Variants in DOCK3 observed in about 807,000 individuals in gnomAD.
DOCK3 encodes the protein dedicator of cytokinesis 3.
DOCK3 carries 60 observed loss-of-function variants against 265.6 expected under a neutral mutation model. The observed-to-expected ratio is 0.23, with a 90% CI of 0.18 to 0.28. The LOEUF is 0.28. Ranked by LOEUF, DOCK3 falls within the 10% of genes least tolerant of loss-of-function variation. The probability of loss-of-function intolerance (pLI) is 1.00; values close to 1 mark genes in which losing one functional copy is unlikely to be tolerated. For missense variants in DOCK3, 1,981 were observed against 2,594.3 expected, an observed-to-expected ratio of 0.76 and a Z score of 5.14; for synonymous variants, 881 against 938.0, an observed-to-expected ratio of 0.94 and a Z score of 1.11.
chr3:50,826,789 A>G (rs2044782482), intron 2 of DOCK3, among the ~76,000 whole-genome samples: 1 of 152,214 alleles, frequency 6.6e-6, no homozygotes, highest in African/African-American at 2.4e-5. Flanking sequence ...TCTCAGTAGG[A>G]GGGTTGGAAG....
At chr3:51,357,252 C>T in intron 44 of DOCK3, 111 bp downstream of exon 44, 1 of 1,237,928 alleles carries the variant, frequency 8.1e-7, no homozygotes, top group Non-Finnish European at 1.1e-6. Flanking sequence ...CCTACATGCC[C>T]TCTCTTGACA....
intron 3 of DOCK3, among the ~76,000 whole-genome samples, chr3:50,847,940 C>T (rs963505787): frequency 6.8e-6 from 1 of 146,640 alleles, no homozygotes; most frequent in African/African-American, 2.5e-5. Context: ...TAAGTCTTTT[C>T]GTAGGTCTAG....
chr3:50,900,933 T>C, intron 4 of DOCK3: 1 of 429,694 alleles, frequency 2.3e-6, no homozygotes, highest in Non-Finnish European at 4.6e-6. Flanking sequence ...AGGTGTCTCC[T>C]AGTCAGGAGG....
intron 5 of DOCK3, among the ~76,000 whole-genome samples, chr3:50,982,662 C>T (rs931973086): frequency 6.6e-6 from 1 of 152,194 alleles, no homozygotes; most frequent in Non-Finnish European, 1.5e-5. Flanking sequence ...CTAGGCTCCA[C>T]GGAGCCAGCG....
At chr3:50,975,366 G>A (rs2108505020) in intron 5 of DOCK3, among the ~76,000 whole-genome samples, 1 of 150,694 alleles carries the variant, frequency 6.6e-6, no homozygotes, top group Middle Eastern at 3.4e-3. Flanking sequence ...GTTGAATTTT[G>A]TCAAAGGCCT....
At chr3:50,828,942 C>G (rs2044952335) in intron 2 of DOCK3, among the ~76,000 whole-genome samples, 1 of 151,970 alleles carries the variant, frequency 6.6e-6, no homozygotes, top group South Asian at 2.1e-4. Flanking sequence ...TCGAACTCCT[C>G]TCCTTGTGAT....
intron 12 of DOCK3, among the ~76,000 whole-genome samples, chr3:51,205,156 T>TAC (rs2089105745): frequency 6.6e-6 from 1 of 150,874 alleles, no homozygotes; most frequent in Admixed American, 6.6e-5. Flanking sequence ...CGCTAAAACT[T>TAC]AAAGTATAAT....
chr3:51,074,835 A>G (rs906235033), intron 6 of DOCK3, among the ~76,000 whole-genome samples: 2 of 152,200 alleles, frequency 1.3e-5, no homozygotes, highest in Non-Finnish European at 2.9e-5. Context: ...CACATCCTGC[A>G]CATGTACCCC....
At chr3:50,762,142 A>T (rs1184021259) in intron 1 of DOCK3, among the ~76,000 whole-genome samples, 2 of 152,140 alleles carry the variant, frequency 1.3e-5, no homozygotes, top group African/African-American at 4.8e-5. Context: ...GCATTAGGAG[A>T]TATACCTAAT....
intron 5 of DOCK3, among the ~76,000 whole-genome samples, chr3:50,974,073 C>A (rs1287639639): frequency 6.6e-6 from 1 of 150,724 alleles, no homozygotes; most frequent in Non-Finnish European, 1.5e-5. Flanking sequence ...CAAAAATTTT[C>A]TCCCATTTTG....
chr3:51,010,949 CCT>C (rs768402955), intron 5 of DOCK3, among the ~76,000 whole-genome samples: 2 of 152,168 alleles, frequency 1.3e-5, no homozygotes, highest in South Asian at 2.1e-4. Flanking sequence ...ATGTTGGCCC[CCT>C]CTCTCTTCTC....
chr3:50,801,660 AATGTGT>A (rs1559655658), intron 2 of DOCK3, among the ~76,000 whole-genome samples: 3 of 151,954 alleles, frequency 2.0e-5, no homozygotes, highest in African/African-American at 7.2e-5. Context: ...TGATGAGGAG[AATGTGT>A]ATTCTATAGC....
intron 3 of DOCK3, among the ~76,000 whole-genome samples, chr3:50,853,775 T>C (rs754687783): frequency 2.8e-4 from 43 of 152,324 alleles, no homozygotes; most frequent in Middle Eastern, 3.4e-3. Context: ...GATAGACATA[T>C]GTGTGCAGGT....
rs138777548 is a variant in DOCK3, at chr3:51,079,760, G to A, written c.549+4320G>A. On this transcript the variant is annotated intron_variant, in intron 7 of 52. Transcript: ENST00000266037. The stretch of plus-strand genomic sequence containing the variant: ...TTAAACAATAGAGAATTGGTGCTGC[G>A]AAAATATAAAGTATTTCAAAAGACA... Among the ~76,000 whole-genome samples, 640 of 152,220 alleles carry A rather than the reference G, an allele frequency of 4.2e-3. 2 individuals carry two copies. Among genetic ancestry groups the A allele is most frequent in the Non-Finnish European group, 6.8e-3 (463 of 68,016 alleles).
chr3:51,307,676 T>C (rs1434224298), intron 27 of DOCK3, among the ~76,000 whole-genome samples: 1 of 152,090 alleles, frequency 6.6e-6, no homozygotes, highest in Non-Finnish European at 1.5e-5. Context: ...GATTAGGCCT[T>C]CTCAGGCCTT....
intron 27 of DOCK3, among the ~76,000 whole-genome samples, chr3:51,281,274 A>AATATAAATATATATAT (rs1312141308): frequency 2.4e-5 from 3 of 125,680 alleles, no homozygotes; most frequent in Admixed American, 1.5e-4. Context: ...GATGAGCTAA[A>AATATAAATATATATAT]ATATATATAT....
intron 22 of DOCK3, among the ~76,000 whole-genome samples, chr3:51,259,151 G>A (rs1270189085): frequency 6.6e-6 from 1 of 152,142 alleles, no homozygotes; most frequent in Non-Finnish European, 1.5e-5. Context: ...GAATCATCTG[G>A]TACAAGCCCT....
At chr3:51,260,445 G>T in intron 23 of DOCK3, 119 bp downstream of exon 23, 1 of 1,213,310 alleles carries the variant, frequency 8.2e-7, no homozygotes, top group East Asian at 2.7e-5. Flanking sequence ...TTGGGTAAGG[G>T]ATTATTTACA....
At chr3:50,896,393 G>A (rs981311286) in intron 4 of DOCK3, among the ~76,000 whole-genome samples, 2 of 150,312 alleles carry the variant, frequency 1.3e-5, no homozygotes, top group African/African-American at 4.9e-5. Flanking sequence ...TCAGGATATT[G>A]TCAGATGGAG....
Sources: gnomAD v4.1 joint callset for allele counts (sites outside exome capture counted in the v4.1 genomes callset) on GRCh38, gnomAD v4.1.1 for gene constraint, MANE v1.5 for transcripts, NCBI Gene and HGNC (gene_info 2026-07-23, HGNC 2026-07-21) for gene names.